Variants in ST3GAL6 observed in about 807,000 individuals in gnomAD.
The protein encoded by ST3GAL6 is type 2 lactosamine alpha-2,3-sialyltransferase.
Under a neutral mutation model 40.5 loss-of-function variants are expected in ST3GAL6, and 31 were observed. The observed-to-expected ratio is 0.77, with a 90% CI of 0.58 to 1.03. The LOEUF (loss-of-function observed/expected upper bound fraction) is 1.03, where lower values mean the gene tolerates loss of function less well. ST3GAL6 is among the 50% of genes least tolerant of loss of function. ST3GAL6 has a pLI of 0.00. For synonymous variants in ST3GAL6, 129 were observed against 136.9 expected (o/e 0.94, Z 0.40); for missense variants, 357 against 393.2 (o/e 0.91, Z 0.78).
chr3:98,776,843 T>C (rs1258027550), intron 5 of ST3GAL6, among the ~76,000 whole-genome samples: 2 of 152,226 alleles, frequency 1.3e-5, no homozygotes, highest in African/African-American at 4.8e-5. Context: ...CAGATATAAG[T>C]TGTAGTTTTG....
chr3:98,768,277 TAGTG>T (rs3217579), intron 1 of ST3GAL6, among the ~76,000 whole-genome samples, 149 bp from the exon 2 acceptor site: 51,387 of 151,884 alleles, frequency 0.34, 8,958 homozygotes, highest in South Asian at 0.46. Context: ...TCTGCACGTT[TAGTG>T]AGTATTTCCA....
intron 5 of ST3GAL6, among the ~76,000 whole-genome samples, chr3:98,774,708 CA>C (rs1939347611): frequency 6.6e-6 from 1 of 152,090 alleles, no homozygotes; most frequent in Non-Finnish European, 1.5e-5. Flanking sequence ...CCCTCTTGCC[CA>C]AGAGAATAGG....
intron 1 of ST3GAL6, among the ~76,000 whole-genome samples, chr3:98,742,694 CTTTTT>C (rs11326863): frequency 7.0e-6 from 1 of 142,490 alleles, no homozygotes; most frequent in Admixed American, 7.0e-5. Flanking sequence ...TTCTTTCTTT[CTTTTT>C]TTTTTTTTTT....
rs1941515113 is a variant in ST3GAL6, at chr3:98,795,261, C to CTTGA, written c.*1503_*1506dup. ...ATTGGGAAACACTGGAAAACCATGGCTTGATTACTGACAACCAACCTGCCT... is the reference window on the plus strand; with the variant it reads ...ATTGGGAAACACTGGAAAACCATGGCTTGATTGATTACTGACAACCAACCTGCCT... On this transcript the variant is annotated 3_prime_UTR_variant, in exon 10 of 10. Coordinates refer to ENST00000483910, the MANE Select transcript of ST3GAL6 (RefSeq NM_001323368.2). The CTTGA allele has an allele frequency of 6.6e-6, 1 of 152,184 alleles. No homozygotes were observed. The highest frequency in any genetic ancestry group is 1.5e-5 in the Non-Finnish European group (1 of 68,042). 9.4% of individuals were successfully genotyped at this position (152,184 alleles called of 1,614,324 possible).
chr3:98,738,847 T>C (rs980259043), intron 1 of ST3GAL6, among the ~76,000 whole-genome samples: 50 of 152,114 alleles, frequency 3.3e-4, no homozygotes, highest in African/African-American at 1.0e-3. Flanking sequence ...CTTGACAGAA[T>C]GTACCTAATA....
chr3:98,782,837 A>G, intron 5 of ST3GAL6: 1 of 492,584 alleles, frequency 2.0e-6, no homozygotes, highest in Non-Finnish European at 4.0e-6. Context: ...GAAACAGTCT[A>G]CCTCTTTCCT....
intron 5 of ST3GAL6, among the ~76,000 whole-genome samples, chr3:98,775,707 A>G (rs1939487021): frequency 6.6e-6 from 1 of 152,116 alleles, no homozygotes; most frequent in Non-Finnish European, 1.5e-5. Flanking sequence ...CCATCAGGCT[A>G]ATTTTTCTCT....
chr3:98,764,664 C>T (rs1349977598), intron 1 of ST3GAL6, among the ~76,000 whole-genome samples: 1 of 152,186 alleles, frequency 6.6e-6, no homozygotes, highest in Non-Finnish European at 1.5e-5. Context: ...AGTCCTCGTT[C>T]TGCTACTTGT....
intron 1 of ST3GAL6, chr3:98,733,669 G>A (rs892285994): frequency 1.1e-6 from 1 of 883,926 alleles, no homozygotes. Flanking sequence ...GAGGCCGCCG[G>A]CTCCGGAGAT....
At chr3:98,733,809 T>G (rs1440149) in intron 1 of ST3GAL6, among the ~76,000 whole-genome samples, 43,415 of 151,730 alleles carry the variant, frequency 0.29, 6,605 homozygotes, top group Admixed American at 0.4. Flanking sequence ...TAGCGAGGGT[T>G]GGCGGGGACA....
intron 9 of ST3GAL6, among the ~76,000 whole-genome samples, chr3:98,792,652 G>A (rs958464740): frequency 2.7e-5 from 4 of 149,206 alleles, no homozygotes; most frequent in Middle Eastern, 3.2e-3. Flanking sequence ...GATAACAGGC[G>A]CCCGCCACCA....
chr3:98,756,193 A>AT (rs1937405081), intron 1 of ST3GAL6, among the ~76,000 whole-genome samples: 2 of 152,056 alleles, frequency 1.3e-5, no homozygotes. Flanking sequence ...GTACTGTTGG[A>AT]TTTTTTGTTT....
chr3:98,752,706 C>T (rs1364432973), intron 1 of ST3GAL6, among the ~76,000 whole-genome samples: 5 of 152,102 alleles, frequency 3.3e-5, no homozygotes, highest in Non-Finnish European at 7.3e-5. Context: ...CTCCTGACCT[C>T]GTGATCTGCC....
upstream of ST3GAL6, among the ~76,000 whole-genome samples, chr3:98,759,416 C>G (rs1324644958): frequency 6.6e-6 from 1 of 152,030 alleles, no homozygotes; most frequent in Non-Finnish European, 1.5e-5. Context: ...AGGATTGGAA[C>G]AAAAACAAAG....
intron 1 of ST3GAL6, among the ~76,000 whole-genome samples, chr3:98,743,735 T>C (rs1936315448): frequency 6.6e-6 from 1 of 152,208 alleles, no homozygotes; most frequent in South Asian, 2.1e-4. Context: ...TACTCACATG[T>C]AACCACTACT....
At chr3:98,738,844 GA>G (rs1467460208) in intron 1 of ST3GAL6, among the ~76,000 whole-genome samples, 2 of 152,052 alleles carry the variant, frequency 1.3e-5, no homozygotes, top group African/African-American at 4.8e-5. Context: ...GAACTTGACA[GA>G]ATGTACCTAA....
chr3:98,793,654 A>G (rs887004418), intron 9 of ST3GAL6, 21 bp from the exon 10 acceptor site: 9 of 1,495,870 alleles, frequency 6.0e-6, no homozygotes, highest in Non-Finnish European at 8.2e-6. Flanking sequence ...GAATGATGGT[A>G]ATTGTATTTT....
intron 1 of ST3GAL6, among the ~76,000 whole-genome samples, chr3:98,736,752 T>A (rs1935579570): frequency 6.6e-6 from 1 of 152,164 alleles, no homozygotes. Context: ...GCCCCTGCTC[T>A]TACAGAGCTT....
At chr3:98,762,754 C>T (rs1038208765), upstream of ST3GAL6, 1 of 979,402 alleles carries the variant, frequency 1.0e-6, no homozygotes, top group African/African-American at 1.8e-5. Flanking sequence ...CTATAAGCCA[C>T]AATTTCAAAG....
Sources: gnomAD v4.1 joint callset for allele counts (sites outside exome capture counted in the v4.1 genomes callset) on GRCh38, gnomAD v4.1.1 for gene constraint, MANE v1.5 for transcripts, NCBI Gene and HGNC (gene_info 2026-07-23, HGNC 2026-07-21) for gene names.